Variants in CDC42BPB observed in about 807,000 individuals in gnomAD.
The protein encoded by CDC42BPB is serine/threonine-protein kinase MRCK beta.
CDC42BPB carries 37 observed loss-of-function variants against 214.9 expected under a neutral mutation model. The observed-to-expected ratio is 0.17, with a 90% CI of 0.13 to 0.23. CDC42BPB has a LOEUF of 0.23. CDC42BPB is among the 10% of genes least tolerant of loss of function. The probability of loss-of-function intolerance (pLI) is 1.00; values close to 1 mark genes in which losing one functional copy is unlikely to be tolerated. For synonymous variants in CDC42BPB, 931 were observed against 884.0 expected (o/e 1.05, Z -0.94); for missense variants, 1,694 against 2,227.0 (o/e 0.76, Z 4.82).
In CDC42BPB at chr14:103,004,981, C is replaced by T. The variant is rs1184040514; in HGVS notation, c.352-958G>A. Among the ~76,000 whole-genome samples the T allele has an allele frequency of 2.0e-5, 3 of 151,878 alleles. No homozygotes were observed. The highest frequency in any genetic ancestry group is 4.8e-5 in the African/African-American group (2 of 41,330). ...AGGAGATCAAGACCATCCTGGCTAA[C>T]ACCGTGAAACCCCGTCTCTATTAAA... On this transcript the variant is annotated intron_variant, in intron 3 of 36. Transcript: ENST00000361246. The surrounding 1 kb of genome is among the most constrained non-coding windows in gnomAD (Gnocchi z 5.3).
In CDC42BPB at chr14:102,957,024, C is replaced by CAA. The variant is rs1183767118; in HGVS notation, c.2902-2338_2902-2337dup. 8.7e-4 allele frequency among the ~76,000 whole-genome samples: 42 copies of CAA among 48,158 alleles called. 1 individual carries two copies. In the South Asian group the frequency reaches 0.013, roughly 15 times the overall value. 31.6% of individuals were successfully genotyped at this position (48,158 alleles called of 152,430 possible). ...TGAAACCCCATCTCTACTAAAAATA[C>CAA]AAAAAAAAAAAAAAAAAAAAAAAAA... On this transcript the variant is annotated intron_variant, in intron 21 of 36. Transcript: ENST00000361246.
intron 1 of CDC42BPB, among the ~76,000 whole-genome samples, chr14:103,015,380 A>G (rs976098438): frequency 6.6e-6 from 1 of 152,082 alleles, no homozygotes; most frequent in Admixed American, 6.5e-5. Flanking sequence ...CCAGCTACTC[A>G]GGAGGCTGAG....
chr14:103,047,358 C>G (rs1476847277), intron 1 of CDC42BPB, among the ~76,000 whole-genome samples: 1 of 151,464 alleles, frequency 6.6e-6, no homozygotes. Context: ...GCTGAAGGAC[C>G]CAAGCGTCCC....
rs147745499 is a variant in CDC42BPB, at chr14:102,985,922, C to A, written c.690+565G>T. The stretch of plus-strand genomic sequence containing the variant: ...GACTGCGGGGTGGAGACCACAGGGC[C>A]TGTGGCCTGAGCCTGGGTCTCCTGG... On this transcript the variant is annotated intron_variant, in intron 6 of 36. Coordinates refer to ENST00000361246, the MANE Select transcript of CDC42BPB (RefSeq NM_006035.4). Among the ~76,000 whole-genome samples, 208 of 152,366 alleles carry A rather than the reference C, an allele frequency of 1.4e-3. 1 individual carries two copies. Among genetic ancestry groups the A allele is most frequent in the African/African-American group, 4.8e-3 (198 of 41,590 alleles).
In CDC42BPB at chr14:102,932,873, G is replaced by GGT. The variant is rs1891447878; in HGVS notation, c.*837_*838dup. 9.6e-6 allele frequency: 1 copy of GGT among 103,830 alleles called. No homozygotes were observed. Among genetic ancestry groups the GGT allele is most frequent in the African/African-American group, 3.6e-5 (1 of 27,648 alleles). The allele number at this position is 103,830 out of a possible 1,614,324, so 6.4% of individuals were successfully genotyped here. Reference sequence around the variant, plus strand: ...GGGGGCTCCATGCGGGGGCAGGACTGGTGGGGGGGGGGGCGGGCAGGGCGG... The same window carrying GGT: ...GGGGGCTCCATGCGGGGGCAGGACTGGTGTGGGGGGGGGGGCGGGCAGGGCGG... On this transcript the variant is annotated 3_prime_UTR_variant, in exon 37 of 37. Transcript: ENST00000361246.
At chr14:103,005,421 C>T (rs530863411) in intron 3 of CDC42BPB, among the ~76,000 whole-genome samples, 1 of 152,260 alleles carries the variant, frequency 6.6e-6, no homozygotes, top group East Asian at 1.9e-4. Flanking sequence ...AAAAGTTTTC[C>T]TTTCAGGCTG....
At chr14:102,956,443 C>T in intron 21 of CDC42BPB, 3 of 984,492 alleles carry the variant, frequency 3.0e-6, no homozygotes, top group Non-Finnish European at 1.2e-6. Context: ...TTCTCAAAGA[C>T]AATTTTCAAA....
At chr14:102,970,881 C>T (rs564773904) in intron 13 of CDC42BPB, among the ~76,000 whole-genome samples, 25 of 152,302 alleles carry the variant, frequency 1.6e-4, no homozygotes, top group Non-Finnish European at 2.9e-4. Flanking sequence ...GAACAAAGAG[C>T]CCTGAACTTG....
In CDC42BPB at chr14:102,944,616, A is replaced by G; in HGVS notation, c.3812-129T>C. On this transcript the variant is annotated intron_variant, in intron 29 of 36. Coordinates refer to ENST00000361246, the MANE Select transcript of CDC42BPB (RefSeq NM_006035.4). The surrounding 1 kb of genome is among the most constrained non-coding windows in gnomAD (Gnocchi z 6.6). The stretch of plus-strand genomic sequence containing the variant: ...CCCTGGGCTCCCTTCCTGTGTGCAC[A>G]GCCTGAGCCCGGCCCTGAGCCCGTC... 1 of 1,460,604 alleles carries G rather than the reference A, an allele frequency of 6.8e-7. No individual in the cohort carries two copies. Among genetic ancestry groups the G allele is most frequent in the Non-Finnish European group, 9.0e-7 (1 of 1,107,494 alleles). The allele number at this position is 1,460,604 out of a possible 1,614,324, so 90.5% of individuals were successfully genotyped here. A position where few individuals can be genotyped will look rare whatever the true frequency, so the allele number is the denominator to read the frequency against.
At chr14:102,973,190 C>CT (rs908286058) in intron 12 of CDC42BPB, among the ~76,000 whole-genome samples, 2 of 152,194 alleles carry the variant, frequency 1.3e-5, no homozygotes, top group Non-Finnish European at 2.9e-5. Context: ...CTGGGAGGTA[C>CT]TATGACCCTG....
At chr14:103,012,491 C>T (rs1886214214) in intron 1 of CDC42BPB, 1 of 153,950 alleles carries the variant, frequency 6.5e-6, no homozygotes, top group South Asian at 2.1e-4. Context: ...GTATTTTTAC[C>T]AAATCTTTCC....
At position 102,944,478 on chromosome 14, in the gene CDC42BPB, C is replaced by T. The variant is rs1595450511; in HGVS notation, c.3821G>A (p.Arg1274His). The T allele has an allele frequency of 2.5e-6, 4 of 1,609,948 alleles. No homozygotes were observed. Among genetic ancestry groups the T allele is most frequent in the Non-Finnish European group, 3.4e-6 (4 of 1,177,740 alleles). The change falls in exon 30 of 37, where the codon CGT becomes CAT. Residue 1274 changes from arginine (R) to histidine (H), a missense_variant. Transcript: ENST00000361246. The surrounding 1 kb of genome is among the most constrained non-coding windows in gnomAD (Gnocchi z 6.6). ...VIEVTRDVIV[R>H]AADCKKVHQI... ...GTGTACCTTCTTACAGTCAGCGGCA[C>T]GGACGATCACTGTGGCAAGGAGGAC...
chr14:102,947,355 A>G (rs931737853), intron 27 of CDC42BPB, among the ~76,000 whole-genome samples: 1 of 152,188 alleles, frequency 6.6e-6, no homozygotes, highest in African/African-American at 2.4e-5. Context: ...GCTGGCTCCA[A>G]TTGGCTGGGG....
At chr14:103,027,664 G>A (rs1044024934) in intron 1 of CDC42BPB, among the ~76,000 whole-genome samples, 1 of 152,188 alleles carries the variant, frequency 6.6e-6, no homozygotes, top group African/African-American at 2.4e-5. Context: ...GTCCAGAATA[G>A]GCAAATCCAT....
intron 27 of CDC42BPB, 136 bp from the exon 28 acceptor site, chr14:102,946,820 T>TG: frequency 1.4e-6 from 2 of 1,454,070 alleles, no homozygotes; most frequent in Non-Finnish European, 1.8e-6. Context: ...GACCCCTGAC[T>TG]CCACCTCGCT....
chr14:102,964,523 T>G lies in CDC42BPB; in HGVS notation c.2705A>C (p.Asp902Ala), dbSNP rs1436455358. 6.2e-7 allele frequency: 1 copy of G among 1,613,752 alleles called. No homozygotes were observed. The change falls in exon 19 of 37, where the codon GAC (aspartate) becomes GCC (alanine). Residue 902 changes from aspartate to alanine, a missense_variant. Asp to Ala is a moderately radical substitution (Grantham distance 126, BLOSUM62 -2). Around this residue, in one of 7 missense-constraint regions of CDC42BPB, gnomAD observed 156 missense variants for 154.5 expected, o/e 1.01. Transcript: ENST00000361246. The part of the protein sequence containing the change: ...LVQEELRKVK[D>A]ANLTLESKLK... Reference sequence around the variant, plus strand: ...GTACCTTTCCAAGGTGAGGTTGGCGTCCTTGACCTTCCTGAGCTCCTCCTG... The same window carrying G: ...GTACCTTTCCAAGGTGAGGTTGGCGGCCTTGACCTTCCTGAGCTCCTCCTG...
intron 5 of CDC42BPB, among the ~76,000 whole-genome samples, chr14:102,994,393 G>A (rs1267760689): frequency 6.6e-6 from 1 of 151,638 alleles, no homozygotes; most frequent in Non-Finnish European, 1.5e-5. Flanking sequence ...AAGTGAACTT[G>A]CTGTTTGTGT....
At chr14:102,972,473 G>A (rs1009099574) in intron 12 of CDC42BPB, 2 of 203,340 alleles carry the variant, frequency 9.8e-6, no homozygotes, top group Admixed American at 1.3e-4. Context: ...GGTCACCTGA[G>A]GTCAGGAGAT....
chr14:102,963,197 G>A (rs770360643), intron 19 of CDC42BPB, 42 bp from the exon 20 acceptor site: 40 of 1,560,204 alleles, frequency 2.6e-5, no homozygotes, highest in Non-Finnish European at 2.8e-5. Flanking sequence ...CTGAGAAGAG[G>A]TTGTCTGTGA....
Sources: gnomAD v4.1 joint callset for allele counts (sites outside exome capture counted in the v4.1 genomes callset) on GRCh38, gnomAD v4.1.1 for gene constraint, gnomAD v4.1.1 regional missense constraint, Gnocchi (gnomAD v3.1) non-coding constraint, MANE v1.5 for transcripts, NCBI Gene and HGNC (gene_info 2026-07-23, HGNC 2026-07-21) for gene names.